Variants in STAG2 observed in about 807,000 individuals in gnomAD.
The protein encoded by STAG2 is cohesin subunit SA-2.
A neutral mutation model predicts 108.1 loss-of-function variants in STAG2; 14 were observed. The observed-to-expected ratio is 0.13, with a 90% CI of 0.09 to 0.20. STAG2 has a LOEUF of 0.20. Ranked by LOEUF, STAG2 falls within the 10% of genes least tolerant of loss-of-function variation. The probability of loss-of-function intolerance (pLI) is 1.00; values close to 1 mark genes in which losing one functional copy is unlikely to be tolerated. For missense variants in STAG2, 440 were observed against 940.9 expected, an observed-to-expected ratio of 0.47 and a Z score of 6.96; for synonymous variants, 307 against 302.7, an observed-to-expected ratio of 1.01 and a Z score of -0.15.
In STAG2 at chrX:124,064,069, T is replaced by C; in HGVS notation, c.2025+18T>C. On this transcript the variant is annotated intron_variant, in intron 20 of 34. Coordinates refer to ENST00000371145, the MANE Select transcript of STAG2 (RefSeq NM_001042750.2). ...TGCAAGAGGTATATATTATAACTAT[T>C]ACAAGTATTTTGTCAGTTGAGCCCC... is the stretch of plus-strand genomic sequence containing the variant. The C allele has an allele frequency of 5.2e-6, 6 of 1,152,886 alleles. No homozygotes were observed. The highest frequency in any genetic ancestry group is 7.1e-6 in the Non-Finnish European group (6 of 850,518).
At chrX:124,094,334 C>T (rs1460682831) in intron 33 of STAG2, among the ~76,000 whole-genome samples, 190 bp downstream of exon 33, 1 of 110,921 alleles carries the variant, frequency 9.0e-6, no homozygotes, top group Non-Finnish European at 1.9e-5. Flanking sequence ...GTGGTAGATC[C>T]TAGATTAAGA....
At chrX:123,999,057 A>G (rs762576622) in intron 1 of STAG2, among the ~76,000 whole-genome samples, 3 of 111,876 alleles carry the variant, frequency 2.7e-5, no homozygotes, top group African/African-American at 9.7e-5. Context: ...GTTCGAGGTG[A>G]CAGTGCTCTC....
intron 27 of STAG2, among the ~76,000 whole-genome samples, chrX:124,080,304 T>A (rs2058923034): frequency 9.0e-6 from 1 of 111,188 alleles, no homozygotes; most frequent in African/African-American, 3.3e-5. Flanking sequence ...CAACCACCAT[T>A]CTGTTCTCTG....
rs1456391528 is a variant in STAG2, at chrX:124,101,600, A to G, written c.*1003A>G. On this transcript the variant is annotated 3_prime_UTR_variant, in exon 35 of 35. Coordinates refer to ENST00000371145, the MANE Select transcript of STAG2 (RefSeq NM_001042750.2). ...TCAGAAATATATTGAAAGTTTAACA[A>G]TGTTTAAAAATAGAAAAGCATGAGT... The G allele has an allele frequency of 3.8e-5, 6 of 159,056 alleles. No individual in the cohort carries two copies. Among genetic ancestry groups the G allele is most frequent in the East Asian group, 1.9e-4 (2 of 10,749 alleles). 13.1% of individuals were successfully genotyped at this position (159,056 alleles called of 1,213,427 possible).
At position 124,093,402 on chromosome X, in the gene STAG2, G is replaced by T. The variant is rs544260984; in HGVS notation, c.3579-616G>T. ...TTATCACATTTTGTCATAATTAATTGTTTATCTCTGTTTGCCATGGTAGAC... is the reference window on the plus strand; with the variant it reads ...TTATCACATTTTGTCATAATTAATTTTTTATCTCTGTTTGCCATGGTAGAC... On this transcript the variant is annotated intron_variant, in intron 32 of 34. Coordinates refer to ENST00000371145, the MANE Select transcript of STAG2 (RefSeq NM_001042750.2). Among the ~76,000 whole-genome samples, 3 of 104,737 alleles carry T rather than the reference G, an allele frequency of 2.9e-5. No homozygotes were observed. In the South Asian group the frequency reaches 1.3e-3, roughly 44 times the overall value. 91.0% of individuals were successfully genotyped at this position (104,737 alleles called of 115,157 possible).
intron 15 of STAG2, among the ~76,000 whole-genome samples, chrX:124,059,275 C>T (rs1417476699): frequency 8.9e-6 from 1 of 112,555 alleles, no homozygotes; most frequent in Non-Finnish European, 1.9e-5. Context: ...CAAGATCATG[C>T]TGCTGCACTC....
chrX:124,000,083 G>A (rs1323506900), intron 1 of STAG2, among the ~76,000 whole-genome samples: 1 of 110,043 alleles, frequency 9.1e-6, no homozygotes, highest in East Asian at 2.8e-4. Context: ...CTACAGTCAT[G>A]TGCTGAATAA....
intron 20 of STAG2, among the ~76,000 whole-genome samples, chrX:124,064,444 G>GTT (rs757340317): frequency 2.3e-4 from 22 of 96,225 alleles, no homozygotes; most frequent in Admixed American, 2.3e-4. Flanking sequence ...AGGACATTAT[G>GTT]TTTTTTTTTT....
At chrX:124,020,918 C>T (rs1252062219) in intron 1 of STAG2, among the ~76,000 whole-genome samples, 1 of 111,676 alleles carries the variant, frequency 9.0e-6, no homozygotes, top group East Asian at 2.8e-4. Flanking sequence ...GTGACCTGCC[C>T]GCCTTGGCCT....
At chrX:124,083,043 A>G (rs1036124160) in intron 28 of STAG2, among the ~76,000 whole-genome samples, 6 of 111,590 alleles carry the variant, frequency 5.4e-5, no homozygotes, top group Non-Finnish European at 1.1e-4. Flanking sequence ...TTAACGTTCT[A>G]TATGTTAGAG....
chrX:124,073,137 CTT>C (rs1470883691), intron 25 of STAG2, among the ~76,000 whole-genome samples: 1 of 110,007 alleles, frequency 9.1e-6, no homozygotes, highest in Non-Finnish European at 1.9e-5. Flanking sequence ...ATTGAAACAT[CTT>C]TTGAGAAGCT....
chrX:124,048,196 T>G (rs904450872), intron 9 of STAG2, among the ~76,000 whole-genome samples: 15 of 111,744 alleles, frequency 1.3e-4, no homozygotes, highest in African/African-American at 4.6e-4. Flanking sequence ...TCTTGAATTT[T>G]TTTGGGGAGG....
intron 13 of STAG2, among the ~76,000 whole-genome samples, chrX:124,054,495 G>A (rs766953607): frequency 9.0e-6 from 1 of 111,636 alleles, no homozygotes; most frequent in African/African-American, 3.3e-5. Context: ...ATACACACAT[G>A]TTGTATATAA....
At chrX:123,989,878 A>T (rs2055367081) in intron 1 of STAG2, among the ~76,000 whole-genome samples, 1 of 111,292 alleles carries the variant, frequency 9.0e-6, no homozygotes, top group Non-Finnish European at 1.9e-5. Context: ...CTGGGATTAC[A>T]GGCGTGAGCC....
chrX:123,979,096 T>A (rs2054757363), intron 1 of STAG2, among the ~76,000 whole-genome samples: 1 of 111,521 alleles, frequency 9.0e-6, no homozygotes, highest in Non-Finnish European at 1.9e-5. Flanking sequence ...CTAAAGAAAT[T>A]CAGTAATTTG....
At chrX:124,093,551 G>A (rs1002879938) in intron 32 of STAG2, among the ~76,000 whole-genome samples, 3 of 105,944 alleles carry the variant, frequency 2.8e-5, no homozygotes, top group East Asian at 2.9e-4. Flanking sequence ...GAGTGAGTGC[G>A]CGCATGCCTG....
At chrX:123,970,238 G>C (rs1163797215) in intron 1 of STAG2, among the ~76,000 whole-genome samples, 1 of 109,312 alleles carries the variant, frequency 9.1e-6, no homozygotes, top group East Asian at 2.8e-4. Context: ...TTCCCCCTTT[G>C]TATTCCAAGA....
intron 6 of STAG2, among the ~76,000 whole-genome samples, chrX:124,040,301 G>A (rs1249625214): frequency 1.8e-5 from 2 of 111,111 alleles, no homozygotes; most frequent in African/African-American, 3.3e-5. Flanking sequence ...TGATTCTGTG[G>A]CCAGTGTTTT....
rs190104474 is a variant in STAG2, at chrX:123,990,790, C to T, written c.-163+28934C>T. ...TAGTTTATCACGACATTCCAAACCA[C>T]CTGACCTCCATCTCGCATAACTCTA... On this transcript the variant is annotated intron_variant, in intron 1 of 34. Coordinates refer to ENST00000371145, the MANE Select transcript of STAG2 (RefSeq NM_001042750.2). Among the ~76,000 whole-genome samples, 428 of 111,973 alleles carry T rather than the reference C, an allele frequency of 3.8e-3. 1 individual carries two copies. Among genetic ancestry groups the T allele is most frequent in the African/African-American group, 0.013 (396 of 30,817 alleles).
Sources: gnomAD v4.1 joint callset for allele counts (sites outside exome capture counted in the v4.1 genomes callset) on GRCh38, gnomAD v4.1.1 for gene constraint, MANE v1.5 for transcripts, NCBI Gene and HGNC (gene_info 2026-07-23, HGNC 2026-07-21) for gene names.